The following LOC128462377 variants were observed in gnomAD, a reference collection of about 807,000 sequenced individuals.
the LOC128462377 span, chr16:89,412,707 G>C: frequency 6.6e-6 from 1 of 152,014 alleles, no homozygotes; most frequent in South Asian, 2.1e-4. Flanking sequence ...CAAAAACATA[G>C]AGGAAAAAAT....
chr16:89,329,225 G>A, the LOC128462377 span, among the ~76,000 whole-genome samples: 1 of 152,214 alleles, frequency 6.6e-6, no homozygotes, highest in African/African-American at 2.4e-5. Flanking sequence ...TGTCGAGGAG[G>A]CTCTAGGACC....
At chr16:89,343,115 A>C in the LOC128462377 span, among the ~76,000 whole-genome samples, 1 of 152,110 alleles carries the variant, frequency 6.6e-6, no homozygotes, top group African/African-American at 2.4e-5. Flanking sequence ...CAGCCTCCCG[A>C]GTAGCTGGGA....
At chr16:89,321,975 C>T in the LOC128462377 span, among the ~76,000 whole-genome samples, 2 of 152,218 alleles carry the variant, frequency 1.3e-5, no homozygotes, top group African/African-American at 2.4e-5. Flanking sequence ...TCCTCATGAT[C>T]TCAGTATTTT....
the LOC128462377 span, among the ~76,000 whole-genome samples, chr16:89,334,963 A>AG: frequency 3.3e-5 from 5 of 152,100 alleles, no homozygotes; most frequent in East Asian, 9.7e-4. Context: ...AGCAGAGTGG[A>AG]GGGGAGGTCC....
chr16:89,373,979 A>G, the LOC128462377 span, among the ~76,000 whole-genome samples: 1 of 152,354 alleles, frequency 6.6e-6, no homozygotes, highest in Non-Finnish European at 1.5e-5. Context: ...CGACATCTCC[A>G]GAAGGGTCTG....
At chr16:89,337,892 G>A in the LOC128462377 span, among the ~76,000 whole-genome samples, 21 of 152,282 alleles carry the variant, frequency 1.4e-4, no homozygotes, top group African/African-American at 4.8e-4. Flanking sequence ...TACTGTGTGT[G>A]GAATCCCCCT....
At chr16:89,385,475 G>T in the LOC128462377 span, among the ~76,000 whole-genome samples, 3 of 152,084 alleles carry the variant, frequency 2.0e-5, no homozygotes, top group Non-Finnish European at 4.4e-5. Context: ...CCGTCCACAA[G>T]CCAGCACCGG....
At chr16:89,393,784 T>C in the LOC128462377 span, among the ~76,000 whole-genome samples, 1 of 152,282 alleles carries the variant, frequency 6.6e-6, no homozygotes, top group South Asian at 2.1e-4. Flanking sequence ...GGCAGAGCTC[T>C]GCATGGCATC....
At chr16:89,327,110 T>C in the LOC128462377 span, among the ~76,000 whole-genome samples, 1 of 146,496 alleles carries the variant, frequency 6.8e-6, no homozygotes, top group Non-Finnish European at 1.5e-5. Flanking sequence ...AATGCAGAGG[T>C]TGGAAATGCA....
At chr16:89,377,813 G>C in the LOC128462377 span, among the ~76,000 whole-genome samples, 9 of 152,212 alleles carry the variant, frequency 5.9e-5, no homozygotes, top group African/African-American at 2.2e-4. Flanking sequence ...CACTTCGTAA[G>C]TTACACCAAA....
the LOC128462377 span, among the ~76,000 whole-genome samples, chr16:89,346,357 T>C: frequency 6.6e-6 from 1 of 150,552 alleles, no homozygotes; most frequent in Non-Finnish European, 1.5e-5. Flanking sequence ...GAGACAACCC[T>C]AACCCAGACT....
At chr16:89,335,244 AG>A in the LOC128462377 span, among the ~76,000 whole-genome samples, 1 of 152,234 alleles carries the variant, frequency 6.6e-6, no homozygotes, top group East Asian at 1.9e-4. Context: ...CGCGGGTGAC[AG>A]CCTCACACCA....
the LOC128462377 span, among the ~76,000 whole-genome samples, chr16:89,359,562 A>C: frequency 1.3e-5 from 2 of 152,190 alleles, no homozygotes; most frequent in Non-Finnish European, 2.9e-5. Flanking sequence ...TCTTCAGGCT[A>C]ATCCCACACT....
At chr16:89,347,323 C>T in the LOC128462377 span, among the ~76,000 whole-genome samples, 5 of 152,098 alleles carry the variant, frequency 3.3e-5, no homozygotes, top group African/African-American at 7.2e-5. Flanking sequence ...AAAAGAGTTC[C>T]GTTCGGCCGG....
chr16:89,372,411 C>T, the LOC128462377 span, among the ~76,000 whole-genome samples: 3 of 152,124 alleles, frequency 2.0e-5, no homozygotes, highest in East Asian at 1.9e-4. Context: ...CGGACGGGGT[C>T]GACAAGGCAG....
At chr16:89,352,395 G>T in the LOC128462377 span, among the ~76,000 whole-genome samples, 4 of 151,554 alleles carry the variant, frequency 2.6e-5, no homozygotes, top group African/African-American at 9.7e-5. Context: ...AAACCAAGCA[G>T]AAGGCCACAG....
the LOC128462377 span, among the ~76,000 whole-genome samples, chr16:89,363,669 G>A: frequency 1.2e-4 from 19 of 152,244 alleles, no homozygotes; most frequent in Middle Eastern, 3.4e-3. Flanking sequence ...AGCACCACAC[G>A]CTGCTTCCCG....
chr16:89,376,384 C>T, the LOC128462377 span, among the ~76,000 whole-genome samples: 1 of 152,172 alleles, frequency 6.6e-6, no homozygotes, highest in Admixed American at 6.5e-5. Context: ...CAGATGAGGT[C>T]CCAGACACCA....
At chr16:89,382,637 GA>G in the LOC128462377 span, among the ~76,000 whole-genome samples, 2 of 150,922 alleles carry the variant, frequency 1.3e-5, no homozygotes, top group African/African-American at 2.4e-5. Flanking sequence ...ACACTTGGCC[GA>G]CAAATAAACA....
Sources: gnomAD v4.1 joint callset for allele counts (sites outside exome capture counted in the v4.1 genomes callset) on GRCh38, gnomAD v4.1.1 for gene constraint, MANE v1.5 for transcripts.